Variants in ANKRD36C observed in about 807,000 individuals in gnomAD.
ANKRD36C encodes the protein ankyrin repeat domain 36C.
A neutral mutation model predicts 276.4 loss-of-function variants in ANKRD36C; 61 were observed. The ratio of observed to expected loss-of-function variants is 0.22; its 90% CI spans 0.18 to 0.27. The LOEUF is 0.27. ANKRD36C is among the 10% of genes least tolerant of loss of function. ANKRD36C has a pLI of 1.00. For missense variants in ANKRD36C, 1,447 were observed against 2,032.3 expected, an observed-to-expected ratio of 0.71 and a Z score of 5.54; for synonymous variants, 483 against 680.1, an observed-to-expected ratio of 0.71 and a Z score of 4.51.
intron 44 of ANKRD36C, among the ~76,000 whole-genome samples, chr2:95,896,383 T>C (rs562666066): frequency 2.0e-4 from 29 of 148,426 alleles, no homozygotes; most frequent in African/African-American, 7.2e-4. Flanking sequence ...GCAATATTCA[T>C]TGAAAATGAC....
At chr2:95,917,546 C>A (rs1024104349) in intron 36 of ANKRD36C, among the ~76,000 whole-genome samples, 16 of 151,464 alleles carry the variant, frequency 1.1e-4, no homozygotes, top group Non-Finnish European at 2.4e-4. Flanking sequence ...CTTAGTGAAA[C>A]CATGCTGTAG....
At chr2:95,967,326 A>G (rs554419882) in intron 6 of ANKRD36C, among the ~76,000 whole-genome samples, 1 of 152,344 alleles carries the variant, frequency 6.6e-6, no homozygotes, top group South Asian at 2.1e-4. Context: ...AAGTGGGCAA[A>G]GGATATGAAC....
In ANKRD36C at chr2:95,891,582, G is replaced by A. The variant is rs558236758; in HGVS notation, c.2857+83C>T. ...CTGTATCAGAATGTGCAGCTTCAAC[G>A]AACCCCCCGCTGATTTATTCAGGGA... On this transcript the variant is annotated intron_variant, in intron 46 of 66. Transcript: ENST00000456556. The A allele has an allele frequency of 6.4e-5, 94 of 1,463,372 alleles. 1 individual carries two copies. The highest frequency in any genetic ancestry group is 5.9e-4 in the East Asian group (24 of 40,424). The allele number at this position is 1,463,372 out of a possible 1,614,324, so 90.6% of individuals were successfully genotyped here. A position where few individuals can be genotyped will look rare whatever the true frequency, so the allele number is the denominator to read the frequency against.
intron 10 of ANKRD36C, among the ~76,000 whole-genome samples, chr2:95,959,884 C>T (rs990026728): frequency 4.6e-5 from 7 of 152,170 alleles, no homozygotes; most frequent in Non-Finnish European, 7.4e-5. Flanking sequence ...CCAGGAGCAG[C>T]CAAAATCAAA....
chr2:95,850,443 A>G (rs1358203806), downstream of ANKRD36C, among the ~76,000 whole-genome samples: 1 of 152,208 alleles, frequency 6.6e-6, no homozygotes, highest in Non-Finnish European at 1.5e-5. Context: ...GGTAGAGGCA[A>G]TTCATAGGTT....
rs1252423021 is a variant in ANKRD36C, at chr2:95,879,468, G to T, written c.3469+959C>A. ...AGTACAAATTAAAAGACAGCACAAA[G>T]AAATGGTTAACGCTTGAGGTGATGG... is the stretch of plus-strand genomic sequence containing the variant. On this transcript the variant is annotated intron_variant, in intron 58 of 66. Transcript: ENST00000456556. Among the ~76,000 whole-genome samples the T allele has an allele frequency of 3.3e-5, 5 of 150,776 alleles. No homozygotes were observed. The East Asian group carries it at 9.7e-4, about 29-fold the overall frequency.
intron 44 of ANKRD36C, chr2:95,894,352 A>G (rs1389631554): frequency 6.5e-6 from 1 of 152,826 alleles, no homozygotes; most frequent in Non-Finnish European, 1.5e-5. Context: ...CCACTAGTTT[A>G]GCCTTCCAAA....
At chr2:95,977,148 G>C (rs201203806) in intron 6 of ANKRD36C, among the ~76,000 whole-genome samples, 1 of 150,244 alleles carries the variant, frequency 6.7e-6, no homozygotes. Context: ...TACTTCTCCA[G>C]TCAGTGAACA....
At chr2:95,882,195 G>T (rs958730668) in intron 56 of ANKRD36C, 107 bp downstream of exon 76, 89 of 1,177,314 alleles carry the variant, frequency 7.6e-5, no homozygotes, top group African/African-American at 4.5e-4. Flanking sequence ...CAGGCCTGCT[G>T]AATCAGAAAG....
chr2:95,891,800 C>A (rs762210247), intron 45 of ANKRD36C, 32 bp downstream of exon 65: 26 of 1,559,046 alleles, frequency 1.7e-5, no homozygotes, highest in Admixed American at 3.8e-5. Flanking sequence ...TATACATTTA[C>A]TAGTTCACAA....
chr2:95,902,987 A>G (rs1676702171), intron 42 of ANKRD36C, 29 bp from the exon 54 acceptor site: 3 of 1,577,230 alleles, frequency 1.9e-6, no homozygotes, highest in Non-Finnish European at 1.7e-6. Context: ...GCAATAATAA[A>G]TTAATAAAGT....
intron 34 of ANKRD36C, 90 bp downstream of exon 34, chr2:95,921,517 C>G (rs2104422807): frequency 6.6e-6 from 10 of 1,513,608 alleles, no homozygotes; most frequent in East Asian, 4.9e-5. Flanking sequence ...CGGCGAGCCC[C>G]CCCACCTGCC....
At chr2:95,973,641 A>T (rs1678742997) in intron 6 of ANKRD36C, among the ~76,000 whole-genome samples, 1 of 152,222 alleles carries the variant, frequency 6.6e-6, no homozygotes, top group Non-Finnish European at 1.5e-5. Context: ...CAGGTCGAAA[A>T]GTCAAAAACT....
chr2:95,921,556 T>C (rs1476899242), intron 34 of ANKRD36C, 51 bp downstream of exon 34: 5 of 1,569,882 alleles, frequency 3.2e-6, no homozygotes, highest in Non-Finnish European at 3.5e-6. Context: ...GGTAGAGAAG[T>C]TCTTTTCTAT....
At chr2:95,913,209 GA>G (rs1676987915) in intron 40 of ANKRD36C, among the ~76,000 whole-genome samples, 1 of 149,224 alleles carries the variant, frequency 6.7e-6, no homozygotes, top group South Asian at 2.1e-4. Context: ...TTTTCATTCA[GA>G]AATCACTGCA....
chr2:95,944,768 G>C, intron 18 of ANKRD36C, 74 bp from the exon 19 acceptor site: 1 of 1,488,866 alleles, frequency 6.7e-7, no homozygotes, highest in Non-Finnish European at 9.0e-7. Context: ...CCGGGTGTGG[G>C]GGCTCACAGC....
At chr2:95,880,971 G>A (rs1676064652) in intron 56 of ANKRD36C, among the ~76,000 whole-genome samples, 1 of 152,198 alleles carries the variant, frequency 6.6e-6, no homozygotes, top group African/African-American at 2.4e-5. Context: ...GTAAAAGCTG[G>A]TGCTAACTGC....
chr2:95,861,867 C>T (rs1248167809), intron 60 of ANKRD36C, among the ~76,000 whole-genome samples: 1 of 151,650 alleles, frequency 6.6e-6, no homozygotes, highest in Non-Finnish European at 1.5e-5. Context: ...AATGTAAAGA[C>T]ACAAATTGGT....
chr2:95,914,397 T>C, intron 38 of ANKRD36C, 94 bp from the exon 41 acceptor site: 1 of 1,451,410 alleles, frequency 6.9e-7, no homozygotes. Context: ...TCTGTCTTCC[T>C]GCCTGTATTA....
Sources: allele counts gnomAD v4.1 joint callset (sites outside exome capture counted in the v4.1 genomes callset), GRCh38; gene constraint gnomAD v4.1.1; transcripts MANE v1.5; gene names NCBI Gene and HGNC (gene_info 2026-07-23, HGNC 2026-07-21).